RORA: variants seen among roughly 807,000 people sequenced by gnomAD.
The protein encoded by RORA is RAR related orphan receptor A.
A neutral mutation model predicts 69.5 loss-of-function variants in RORA; 7 were observed. The ratio of observed to expected loss-of-function variants is 0.10; its 90% CI spans 0.06 to 0.19. RORA has a LOEUF of 0.19. RORA is among the 10% of genes least tolerant of loss of function. RORA has a pLI of 1.00. For synonymous variants in RORA, 261 were observed against 240.8 expected (o/e 1.08, Z -0.78); for missense variants, 457 against 663.0 (o/e 0.69, Z 3.41).
chr15:60,951,829 A>C (rs1479939405), intron 1 of RORA, among the ~76,000 whole-genome samples: 2 of 152,174 alleles, frequency 1.3e-5, no homozygotes, highest in African/African-American at 4.8e-5. Context: ...GTCCAGGACC[A>C]GATGGATTCA....
At chr15:61,012,179 T>C (rs1259303277) in intron 1 of RORA, among the ~76,000 whole-genome samples, 1 of 152,234 alleles carries the variant, frequency 6.6e-6, no homozygotes, top group East Asian at 1.9e-4. Context: ...AAACATCACC[T>C]ATCTCATAAG....
At chr15:60,803,482 G>A (rs528368154) in intron 1 of RORA, among the ~76,000 whole-genome samples, 13 of 152,232 alleles carry the variant, frequency 8.5e-5, no homozygotes, top group Admixed American at 3.9e-4. Context: ...GTCCCTGCAT[G>A]CAACGTGCAT....
intron 2 of RORA, among the ~76,000 whole-genome samples, chr15:60,670,477 T>C (rs943977760): frequency 6.6e-6 from 1 of 152,156 alleles, no homozygotes; most frequent in Non-Finnish European, 1.5e-5. Flanking sequence ...CCCAAAGTGC[T>C]GGGATTACAA....
chr15:60,917,765 C>T (rs1211609125), intron 1 of RORA, among the ~76,000 whole-genome samples: 4 of 152,214 alleles, frequency 2.6e-5, no homozygotes, highest in Admixed American at 2.6e-4. Context: ...TAATCCCTTT[C>T]CCTCACGCAT....
intron 2 of RORA, among the ~76,000 whole-genome samples, chr15:60,610,444 G>A (rs1192588203): frequency 6.6e-6 from 1 of 152,086 alleles, no homozygotes; most frequent in African/African-American, 2.4e-5. Flanking sequence ...TGGGAGAGAC[G>A]TGCTCTTTGG....
At chr15:60,696,313 C>T (rs2070904610) in intron 1 of RORA, among the ~76,000 whole-genome samples, 1 of 152,092 alleles carries the variant, frequency 6.6e-6, no homozygotes, top group African/African-American at 2.4e-5. Context: ...CCAGCTGGCC[C>T]CTCCTGCCAT....
chr15:60,827,293 T>G (rs1464394127), intron 1 of RORA, among the ~76,000 whole-genome samples: 1 of 152,224 alleles, frequency 6.6e-6, no homozygotes, highest in Non-Finnish European at 1.5e-5. Context: ...ACCCAATGCT[T>G]TCCAAACGTA....
intron 2 of RORA, among the ~76,000 whole-genome samples, chr15:60,551,846 T>C (rs2067235339): frequency 6.6e-6 from 1 of 152,226 alleles, no homozygotes; most frequent in African/African-American, 2.4e-5. Context: ...AAGGTGATAC[T>C]GCCACCATCT....
At chr15:60,983,592 C>T (rs1265652615) in intron 1 of RORA, among the ~76,000 whole-genome samples, 1 of 152,154 alleles carries the variant, frequency 6.6e-6, no homozygotes, top group African/African-American at 2.4e-5. Flanking sequence ...TAATAAGAAC[C>T]TTGGTCTCCA....
At chr15:60,557,951 A>C (rs2067415988) in intron 2 of RORA, 1 of 267,824 alleles carries the variant, frequency 3.7e-6, no homozygotes, top group South Asian at 1.6e-4. Context: ...TTTGAATCGA[A>C]TTTACTTTCT....
chr15:61,227,103 A>G (rs555580057), intron 1 of RORA, among the ~76,000 whole-genome samples: 6 of 151,480 alleles, frequency 4.0e-5, no homozygotes, highest in African/African-American at 1.5e-4. Context: ...CAAGAATGAC[A>G]CCTGAAGATG....
intron 1 of RORA, among the ~76,000 whole-genome samples, chr15:60,726,405 G>A (rs2071357651): frequency 6.6e-6 from 1 of 152,198 alleles, no homozygotes; most frequent in Admixed American, 6.5e-5. Flanking sequence ...TCCTAAGCAG[G>A]TCAGTAAAGG....
chr15:61,008,391 T>C (rs1027837058), intron 1 of RORA, among the ~76,000 whole-genome samples: 6 of 152,036 alleles, frequency 3.9e-5, no homozygotes, highest in Admixed American at 1.3e-4. Context: ...GATCTGGCCA[T>C]ATTCCAGCTG....
intron 2 of RORA, among the ~76,000 whole-genome samples, chr15:60,656,466 A>G (rs543887735): frequency 5.1e-4 from 77 of 152,368 alleles, no homozygotes; most frequent in African/African-American, 1.8e-3. Flanking sequence ...ATGCTCTATA[A>G]GACAGGTATG....
chr15:60,770,205 A>G (rs1165065105), intron 1 of RORA, among the ~76,000 whole-genome samples: 1 of 151,990 alleles, frequency 6.6e-6, no homozygotes, highest in African/African-American at 2.4e-5. Context: ...AATGTTCAAA[A>G]AAGATATTCC....
At chr15:61,115,786 T>C (rs1439958643) in intron 1 of RORA, among the ~76,000 whole-genome samples, 2 of 152,120 alleles carry the variant, frequency 1.3e-5, no homozygotes, top group Admixed American at 1.3e-4. Flanking sequence ...GATCCAGTAA[T>C]TATTCTACAA....
At chr15:60,984,008 G>A (rs547689069) in intron 1 of RORA, among the ~76,000 whole-genome samples, 1 of 152,186 alleles carries the variant, frequency 6.6e-6, no homozygotes, top group South Asian at 2.1e-4. Context: ...TAGCAAAATT[G>A]TAACTCTGCT....
chr15:60,757,590 A>C (rs957082908), intron 1 of RORA, among the ~76,000 whole-genome samples: 1 of 152,072 alleles, frequency 6.6e-6, no homozygotes, highest in African/African-American at 2.4e-5. Flanking sequence ...TGCCCAAACA[A>C]TCCGTCTTCT....
intron 1 of RORA, among the ~76,000 whole-genome samples, chr15:61,084,825 CTTTTTTT>C (rs34566111): frequency 2.9e-5 from 4 of 138,764 alleles, no homozygotes; most frequent in Non-Finnish European, 3.1e-5. Flanking sequence ...TCTACCCATC[CTTTTTTT>C]TTTTTTTTTT....
Sources: allele counts gnomAD v4.1 joint callset (sites outside exome capture counted in the v4.1 genomes callset), GRCh38; gene constraint gnomAD v4.1.1; transcripts MANE v1.5; gene names NCBI Gene and HGNC (gene_info 2026-07-23, HGNC 2026-07-21).